Variants in LRBA observed in about 807,000 individuals in gnomAD.
LRBA encodes lipopolysaccharide-responsive and beige-like anchor protein.
A neutral mutation model predicts 330.0 loss-of-function variants in LRBA; 176 were observed. The ratio of observed to expected loss-of-function variants is 0.53; its 90% CI spans 0.47 to 0.60. LRBA has a LOEUF of 0.60. Ranked by LOEUF, LRBA falls within the 20% of genes least tolerant of loss-of-function variation. The probability of loss-of-function intolerance (pLI) is 0.00; values close to 1 mark genes in which losing one functional copy is unlikely to be tolerated. For missense variants in LRBA, 3,259 were observed against 3,444.8 expected, an observed-to-expected ratio of 0.95 and a Z score of 1.35; for synonymous variants, 1,230 against 1,193.0, an observed-to-expected ratio of 1.03 and a Z score of -0.64.
intron 2 of LRBA, among the ~76,000 whole-genome samples, chr4:150,998,854 G>A (rs931804721): frequency 1.1e-4 from 17 of 152,106 alleles, no homozygotes; most frequent in Admixed American, 1.1e-3. Flanking sequence ...AATTTCTTCA[G>A]TGATCTACAC....
chr4:150,927,273 T>C (rs1733984715), intron 4 of LRBA, among the ~76,000 whole-genome samples: 1 of 150,190 alleles, frequency 6.7e-6, no homozygotes, highest in Non-Finnish European at 1.5e-5. Flanking sequence ...CTTGGGAGGC[T>C]GAGGCAGGAG....
At chr4:150,661,244 G>A (rs559569006) in intron 37 of LRBA, among the ~76,000 whole-genome samples, 1 of 151,736 alleles carries the variant, frequency 6.6e-6, no homozygotes, top group Admixed American at 6.6e-5. Flanking sequence ...GCTGAGGCGG[G>A]TCAATCACCT....
intron 44 of LRBA, among the ~76,000 whole-genome samples, chr4:150,440,453 T>C (rs1263215794): frequency 6.6e-6 from 1 of 152,058 alleles, no homozygotes; most frequent in Admixed American, 6.6e-5. Flanking sequence ...ATGTAGAGTA[T>C]TAGGTCTAAC....
chr4:150,671,041 T>TGTGTGTGAGA (rs779665914), intron 37 of LRBA, among the ~76,000 whole-genome samples: 11 of 142,746 alleles, frequency 7.7e-5, no homozygotes, highest in Non-Finnish European at 1.2e-4. Context: ...TGTGTGTGTG[T>TGTGTGTGAGA]GAGAGAGAGA....
Position 150,870,524 on chromosome 4 carries a change from C to T in LRBA, c.2449+1G>A. 5 of 1,539,592 alleles carry T rather than the reference C, an allele frequency of 3.2e-6. No individual in the cohort carries two copies. Among genetic ancestry groups the T allele is most frequent in the Non-Finnish European group, 4.5e-6 (5 of 1,113,544 alleles). On this transcript the variant is annotated splice_donor_variant, in intron 20 of 56. Coordinates refer to ENST00000651943, the MANE Select transcript of LRBA (RefSeq NM_001364905.1). LOFTEE classifies it high-confidence loss of function. ...TTTGTTAAAGTATATAAAATACATA[C>T]GAGGGTTTTGTATCTTCACTGAAGA...
At chr4:150,531,502 C>T (rs1041128129) in intron 40 of LRBA, among the ~76,000 whole-genome samples, 3 of 152,138 alleles carry the variant, frequency 2.0e-5, no homozygotes, top group Admixed American at 6.5e-5. Context: ...ATATGACATA[C>T]GTGTTTATTT....
chr4:150,870,587 C>T lies in LRBA; in HGVS notation c.2387G>A (p.Gly796Asp), dbSNP rs1346850653. ...ATGCTGTTTATGTATCACCTGAGTA[C>T]CAATCTGTTCTATAAGAATCTACAG... Reference protein sequence around the residue: ...VLFEILIEQIGTQVIHKQHPD... With the variant: ...VLFEILIEQIDTQVIHKQHPD... Residue 796 changes from glycine to aspartate, a missense_variant, in exon 20 of 57, where the codon GGT (glycine) becomes GAT (aspartate). Gly to Asp is a moderately conservative substitution (Grantham distance 94, BLOSUM62 -1). Transcript: ENST00000651943. The T allele has an allele frequency of 1.3e-6, 2 of 1,565,244 alleles. No individual in the cohort carries two copies. The highest frequency in any genetic ancestry group is 1.1e-5 in the South Asian group (1 of 90,030).
intron 40 of LRBA, among the ~76,000 whole-genome samples, chr4:150,586,594 G>A (rs1772144680): frequency 6.6e-6 from 1 of 152,034 alleles, no homozygotes; most frequent in Non-Finnish European, 1.5e-5. Context: ...TTTCTTCATT[G>A]AGCCAAAAGA....
intron 49 of LRBA, among the ~76,000 whole-genome samples, chr4:150,322,234 C>A (rs1732614612): frequency 6.6e-6 from 1 of 152,138 alleles, no homozygotes; most frequent in African/African-American, 2.4e-5. Flanking sequence ...GTTCTAATAA[C>A]CAGCAACCAA....
At chr4:150,869,560 G>A (rs1753176241) in intron 20 of LRBA, among the ~76,000 whole-genome samples, 1 of 151,904 alleles carries the variant, frequency 6.6e-6, no homozygotes, top group African/African-American at 2.4e-5. Context: ...CTGGTAGCAG[G>A]CACCTGTAAT....
At chr4:150,282,868 A>T (rs1747714496) in intron 54 of LRBA, among the ~76,000 whole-genome samples, 1 of 152,228 alleles carries the variant, frequency 6.6e-6, no homozygotes, top group Admixed American at 6.5e-5. Flanking sequence ...AAACCATGTA[A>T]GTCCAAGTTC....
intron 36 of LRBA, among the ~76,000 whole-genome samples, chr4:150,689,486 G>C (rs922433544): frequency 4.0e-5 from 6 of 151,096 alleles, no homozygotes; most frequent in African/African-American, 1.5e-4. Flanking sequence ...TTTTTAAAAA[G>C]TCCTAAAAGA....
At chr4:151,001,632 C>G (rs1215042550) in intron 2 of LRBA, among the ~76,000 whole-genome samples, 3 of 152,114 alleles carry the variant, frequency 2.0e-5, no homozygotes, top group Admixed American at 2.0e-4. Context: ...CCATCACACC[C>G]ACCGCCAATA....
chr4:150,472,880 T>G (rs1756306177), intron 42 of LRBA, among the ~76,000 whole-genome samples: 1 of 152,174 alleles, frequency 6.6e-6, no homozygotes, highest in Non-Finnish European at 1.5e-5. Flanking sequence ...CAGCACATTT[T>G]GTTTATCTAG....
At chr4:150,272,041 C>T (rs1463407024) in intron 56 of LRBA, among the ~76,000 whole-genome samples, 2 of 152,298 alleles carry the variant, frequency 1.3e-5, no homozygotes, top group East Asian at 3.9e-4. Flanking sequence ...CAAGTGGGTC[C>T]TCAACCCCTG....
chr4:150,725,510 G>T (rs1283410031), intron 36 of LRBA, among the ~76,000 whole-genome samples: 2 of 152,132 alleles, frequency 1.3e-5, no homozygotes, highest in Admixed American at 6.5e-5. Context: ...GCATGAAGGA[G>T]ATAAAAAGAC....
chr4:150,314,175 T>C (rs1731430708), intron 51 of LRBA, among the ~76,000 whole-genome samples: 1 of 152,122 alleles, frequency 6.6e-6, no homozygotes, highest in African/African-American at 2.4e-5. Flanking sequence ...ATTGTCAAGG[T>C]GCAAAGAAAA....
rs773218827 is a variant in LRBA, at chr4:150,658,359, C to CAA, written c.5921+25190_5921+25191dup. ...CCTATTAAAATAACAGTCTGCAAGC[C>CAA]AAAAAAAAAAAAAACTGCTGAAATC... On this transcript the variant is annotated intron_variant, in intron 37 of 56. Transcript: ENST00000651943. Among the ~76,000 whole-genome samples the CAA allele has an allele frequency of 5.9e-4, 59 of 100,030 alleles. 1 individual carries two copies. Among genetic ancestry groups the CAA allele is most frequent in the East Asian group, 2.8e-3 (9 of 3,246 alleles). The allele number at this position is 100,030 out of a possible 152,430, so 65.6% of individuals were successfully genotyped here.
intron 44 of LRBA, among the ~76,000 whole-genome samples, chr4:150,455,243 C>G (rs931758394): frequency 6.6e-6 from 1 of 150,594 alleles, no homozygotes; most frequent in Non-Finnish European, 1.5e-5. Context: ...TTTGTTCTTG[C>G]GATAGAAATA....
Sources: allele counts gnomAD v4.1 joint callset (sites outside exome capture counted in the v4.1 genomes callset), GRCh38; gene constraint gnomAD v4.1.1; transcripts MANE v1.5; gene names NCBI Gene and HGNC (gene_info 2026-07-23, HGNC 2026-07-21).